The following GPC5 variants were observed in gnomAD, a reference collection of about 807,000 sequenced individuals.
GPC5 encodes the protein glypican-5.
In GPC5, 47 loss-of-function variants were observed where a neutral mutation model predicts 53.9. That is an observed-to-expected ratio of 0.87 (90% CI 0.69 to 1.11). GPC5 has a LOEUF of 1.11. Among genes scored for constraint, GPC5 ranks in the 50% most tolerant of loss-of-function variants. The pLI, the probability that GPC5 is intolerant of heterozygous loss-of-function variation, is 0.00. For synonymous variants in GPC5, 286 were observed against 263.3 expected (o/e 1.09, Z -0.84); for missense variants, 748 against 713.1 (o/e 1.05, Z -0.56).
intron 2 of GPC5, among the ~76,000 whole-genome samples, chr13:91,592,868 G>T (rs1363118876): frequency 6.6e-6 from 1 of 152,228 alleles, no homozygotes; most frequent in Non-Finnish European, 1.5e-5. Flanking sequence ...GGGGCCTGAA[G>T]AATAGCTGTT....
At chr13:92,008,058 A>AT (rs2040623619) in intron 6 of GPC5, among the ~76,000 whole-genome samples, 2 of 139,044 alleles carry the variant, frequency 1.4e-5, no homozygotes, top group Admixed American at 7.3e-5. Context: ...GAATGAGAAT[A>AT]ATTTTTTTTT....
chr13:92,651,005 G>T (rs61975897), intron 7 of GPC5, among the ~76,000 whole-genome samples: 36,029 of 151,752 alleles, frequency 0.24, 4,958 homozygotes, highest in South Asian at 0.39. Flanking sequence ...TGTGGTGTTT[G>T]GTTTTCTGTT....
intron 4 of GPC5, among the ~76,000 whole-genome samples, chr13:91,738,425 T>C (rs933278311): frequency 1.3e-5 from 2 of 151,408 alleles, no homozygotes; most frequent in South Asian, 4.1e-4. Context: ...TAGCTACCTT[T>C]TTTTGGGTGT....
chr13:92,561,238 G>C (rs1187417765), intron 7 of GPC5, among the ~76,000 whole-genome samples: 3 of 151,794 alleles, frequency 2.0e-5, no homozygotes, highest in Admixed American at 6.6e-5. Flanking sequence ...ATTTACATAC[G>C]ATCATTATAT....
At chr13:91,865,349 T>G (rs1220784307) in intron 5 of GPC5, among the ~76,000 whole-genome samples, 1 of 152,186 alleles carries the variant, frequency 6.6e-6, no homozygotes, top group African/African-American at 2.4e-5. Flanking sequence ...ATGTATCTCG[T>G]GTACAAATAA....
intron 3 of GPC5, among the ~76,000 whole-genome samples, chr13:91,700,940 T>A (rs941577645): frequency 6.6e-6 from 1 of 152,206 alleles, no homozygotes; most frequent in Non-Finnish European, 1.5e-5. Context: ...TTGAATTTTA[T>A]GTGAATAGGT....
At chr13:91,777,867 T>C (rs944922540) in intron 5 of GPC5, among the ~76,000 whole-genome samples, 1 of 152,208 alleles carries the variant, frequency 6.6e-6, no homozygotes, top group African/African-American at 2.4e-5. Flanking sequence ...TGACTTCCTC[T>C]TCATAGTGAC....
At chr13:92,636,778 T>C (rs1055406906) in intron 7 of GPC5, among the ~76,000 whole-genome samples, 5 of 152,194 alleles carry the variant, frequency 3.3e-5, no homozygotes, top group African/African-American at 9.6e-5. Context: ...TTAGTGAAAA[T>C]TGAATGAAAC....
chr13:91,666,591 T>C (rs1440260697), intron 2 of GPC5, among the ~76,000 whole-genome samples: 7 of 152,196 alleles, frequency 4.6e-5, no homozygotes, highest in Admixed American at 4.6e-4. Context: ...GTTAAATATT[T>C]CAATTCAATA....
At chr13:92,578,510 A>G (rs991416252) in intron 7 of GPC5, among the ~76,000 whole-genome samples, 3 of 152,200 alleles carry the variant, frequency 2.0e-5, no homozygotes, top group African/African-American at 7.2e-5. Context: ...ATCTGCAGGC[A>G]GGAGAACCAG....
chr13:91,686,400 C>T (rs918068238), intron 2 of GPC5, among the ~76,000 whole-genome samples: 2 of 151,904 alleles, frequency 1.3e-5, no homozygotes, highest in Non-Finnish European at 2.9e-5. Flanking sequence ...TAATATCCCA[C>T]TCACTATTTA....
intron 7 of GPC5, among the ~76,000 whole-genome samples, chr13:92,831,261 C>G (rs1372176833): frequency 6.6e-6 from 1 of 152,084 alleles, no homozygotes; most frequent in Admixed American, 6.6e-5. Context: ...ATCATTCTTG[C>G]ACTTGAAGAG....
At chr13:91,495,034 T>C (rs1397663856) in intron 2 of GPC5, among the ~76,000 whole-genome samples, 1 of 152,224 alleles carries the variant, frequency 6.6e-6, no homozygotes, top group Non-Finnish European at 1.5e-5. Context: ...CTAATAGATA[T>C]CTCAAGCACT....
intron 3 of GPC5, among the ~76,000 whole-genome samples, chr13:91,705,149 G>C (rs1300685214): frequency 6.6e-6 from 1 of 152,150 alleles, no homozygotes. Context: ...AATTTTCAAA[G>C]TCTTCACATT....
chr13:92,114,741 A>G lies in GPC5; in HGVS notation c.1402-30089A>G, dbSNP rs181885493. On this transcript the variant is annotated intron_variant, in intron 6 of 7. Coordinates refer to ENST00000377067, the MANE Select transcript of GPC5 (RefSeq NM_004466.6). ...TATATAGATATAAAGATAGCCTTCC[A>G]TAAAGCCAATGTAGTATGCCCTTAT... is the stretch of plus-strand genomic sequence containing the variant. 2.1e-4 allele frequency among the ~76,000 whole-genome samples: 32 copies of G among 152,334 alleles called. No homozygotes were observed. The East Asian group carries it at 6.0e-3, about 28-fold the overall frequency.
At chr13:91,440,351 T>G (rs1384572686) in intron 1 of GPC5, among the ~76,000 whole-genome samples, 1 of 152,210 alleles carries the variant, frequency 6.6e-6, no homozygotes, top group Non-Finnish European at 1.5e-5. Context: ...TGCGGATCTA[T>G]CTTCAAGTAT....
At chr13:92,334,079 AG>A (rs1464692689) in intron 7 of GPC5, among the ~76,000 whole-genome samples, 1 of 152,208 alleles carries the variant, frequency 6.6e-6, no homozygotes, top group Non-Finnish European at 1.5e-5. Context: ...GATCACAGCA[AG>A]GTTGTAGGAA....
intron 7 of GPC5, among the ~76,000 whole-genome samples, chr13:92,547,063 C>A (rs1424867206): frequency 6.6e-6 from 1 of 152,066 alleles, no homozygotes; most frequent in Non-Finnish European, 1.5e-5. Context: ...ACCATAAAAA[C>A]CCAAGAAATT....
At chr13:92,786,079 G>A (rs532148493) in intron 7 of GPC5, among the ~76,000 whole-genome samples, 7 of 152,276 alleles carry the variant, frequency 4.6e-5, no homozygotes, top group Admixed American at 2.6e-4. Flanking sequence ...GTACAAATTG[G>A]AAAGTGTAGA....
Sources: allele counts gnomAD v4.1 joint callset (sites outside exome capture counted in the v4.1 genomes callset), GRCh38; gene constraint gnomAD v4.1.1; transcripts MANE v1.5; gene names NCBI Gene and HGNC (gene_info 2026-07-23, HGNC 2026-07-21).